NEURL1: variants seen among roughly 807,000 people sequenced by gnomAD.
NEURL1 encodes neuralized E3 ubiquitin protein ligase 1.
Under a neutral mutation model 41.2 loss-of-function variants are expected in NEURL1, and 26 were observed. The ratio of observed to expected loss-of-function variants is 0.63; its 90% CI spans 0.46 to 0.87. NEURL1 has a LOEUF of 0.87. Among genes scored for constraint, NEURL1 ranks in the 40% least tolerant of loss-of-function variants. NEURL1 has a pLI of 0.00. For missense variants in NEURL1, 761 were observed against 871.1 expected, an observed-to-expected ratio of 0.87 and a Z score of 1.59; for synonymous variants, 400 against 402.3, an observed-to-expected ratio of 0.99 and a Z score of 0.07.
chr10:103,572,893 C>T (rs770250097), intron 3 of NEURL1, among the ~76,000 whole-genome samples: 4 of 152,002 alleles, frequency 2.6e-5, no homozygotes, highest in South Asian at 2.1e-4. Context: ...AGCACAGTCT[C>T]GGGTACCAAG....
At chr10:103,517,625 CA>C (rs1207582039) in intron 1 of NEURL1, among the ~76,000 whole-genome samples, 4 of 152,238 alleles carry the variant, frequency 2.6e-5, no homozygotes, top group Non-Finnish European at 4.4e-5. Flanking sequence ...TGTCTGTAAT[CA>C]AGTCCACAAA....
At chr10:103,589,808 C>T in intron 5 of NEURL1, 148 bp downstream of exon 5, 1 of 1,137,522 alleles carries the variant, frequency 8.8e-7, no homozygotes, top group East Asian at 2.4e-5. Flanking sequence ...TCATCCCCTC[C>T]TGTCCCCTAG....
chr10:103,589,538 G>C lies in NEURL1; in HGVS notation c.1364G>C (p.Gly455Ala). Residue 455 changes from glycine (G) to alanine (A), a missense_variant, in exon 5 of 6, where the codon GGT becomes GCT. Coordinates refer to ENST00000369780, the MANE Select transcript of NEURL1 (RefSeq NM_004210.5). ...ILGSTILAER[G>A]IPSLPCSPAS... Reference sequence around the variant, plus strand: ...GGCTCCACTATCCTGGCCGAGCGGGGTATCCCATCACTCCCCTGCTCCCCT... The same window carrying C: ...GGCTCCACTATCCTGGCCGAGCGGGCTATCCCATCACTCCCCTGCTCCCCT... 1 of 1,612,730 alleles carries C rather than the reference G, an allele frequency of 6.2e-7. No homozygotes were observed. Among genetic ancestry groups the C allele is most frequent in the Non-Finnish European group, 8.5e-7 (1 of 1,179,306 alleles).
chr10:103,516,396 CG>C (rs535861799), intron 1 of NEURL1, among the ~76,000 whole-genome samples: 2 of 150,350 alleles, frequency 1.3e-5, no homozygotes, highest in South Asian at 4.3e-4. Flanking sequence ...AAGCAGAAGG[CG>C]GGGGTTGGAG....
Position 103,590,335 on chromosome 10 carries a change from C to G in NEURL1, c.1688C>G (p.Pro563Arg). 1 of 1,614,148 alleles carries G rather than the reference C, an allele frequency of 6.2e-7. No individual in the cohort carries two copies. The highest frequency in any genetic ancestry group is 8.5e-7 in the Non-Finnish European group (1 of 1,180,032). The change falls in exon 6 of 6, where the codon CCC (proline) becomes CGC (arginine). Residue 563 changes from proline to arginine, a missense_variant. Physicochemically the swap from Pro to Arg is moderately radical, Grantham distance 103. Transcript: ENST00000369780. The part of the protein sequence containing the change: ...LHACCPICRR[P>R]IKDIIKTYRS... ...GCCTGCTGCCCCATCTGCCGCCGCC[C>G]CATCAAGGACATCATCAAGACCTAC...
chr10:103,503,548 G>A (rs1397252121), intron 1 of NEURL1, among the ~76,000 whole-genome samples: 1 of 152,126 alleles, frequency 6.6e-6, no homozygotes, highest in Non-Finnish European at 1.5e-5. Flanking sequence ...GTAAGAGGTA[G>A]GTGGGAGAGC....
At chr10:103,503,430 C>G (rs1436410070) in intron 1 of NEURL1, among the ~76,000 whole-genome samples, 4 of 152,182 alleles carry the variant, frequency 2.6e-5, no homozygotes, top group Admixed American at 1.3e-4. Flanking sequence ...GGCTTTTTCT[C>G]TGCTCTAGTG....
chr10:103,556,489 G>A lies in NEURL1; in HGVS notation c.86-14383G>A, dbSNP rs999035607. ...GTGGGCACTGAGGAGCCTGGGAGAG[G>A]CTCAGGAAGGAAGGAGGGTGGTGGC... is the stretch of plus-strand genomic sequence containing the variant. On this transcript the variant is annotated intron_variant, in intron 1 of 5. Transcript: ENST00000369780. This position sits in a 1 kb window ranked among gnomAD's most constrained non-coding sequence, Gnocchi z 4.4. Among the ~76,000 whole-genome samples, 2 of 152,140 alleles carry A rather than the reference G, an allele frequency of 1.3e-5. No homozygotes were observed. Among genetic ancestry groups the A allele is most frequent in the Admixed American group, 6.5e-5 (1 of 15,272 alleles).
intron 1 of NEURL1, 110 bp downstream of exon 1, chr10:103,494,582 C>T: frequency 1.0e-6 from 1 of 956,092 alleles, no homozygotes; most frequent in Non-Finnish European, 1.5e-6. Context: ...GTCTGGAGGC[C>T]GGAGATGCAC....
intron 3 of NEURL1, among the ~76,000 whole-genome samples, chr10:103,576,280 G>T (rs1484601774): frequency 6.6e-6 from 1 of 152,138 alleles, no homozygotes; most frequent in Non-Finnish European, 1.5e-5. Flanking sequence ...GAGGTGAAAA[G>T]AATGGATTGG....
rs1417375559 is a variant in NEURL1, at chr10:103,585,091, T to G, written c.1205T>G (p.Val402Gly). Residue 402 changes from valine (V) to glycine (G), a missense_variant, in exon 4 of 6, where the codon GTG (valine) becomes GGG (glycine). This residue lies in a region of NEURL1 where 443 missense variants were observed against 408.1 expected (regional missense o/e 1.09). Transcript: ENST00000369780. The stretch of plus-strand genomic sequence containing the variant: ...CACAGCGGCGACATCCTGGGCCTGG[T>G]GGTCAACGCCGACGGCGAGCTGCAC... ...PLHSGDILGLVVNADGELHLS... is the reference protein window; with the variant it reads ...PLHSGDILGLGVNADGELHLS... 6.3e-7 allele frequency: 1 copy of G among 1,590,208 alleles called. No individual in the cohort carries two copies. Among genetic ancestry groups the G allele is most frequent in the African/African-American group, 1.3e-5 (1 of 74,692 alleles).
At chr10:103,521,141 T>C (rs918059766) in intron 1 of NEURL1, among the ~76,000 whole-genome samples, 3 of 152,162 alleles carry the variant, frequency 2.0e-5, no homozygotes, top group African/African-American at 7.2e-5. Flanking sequence ...CATTAGTCCG[T>C]TCTACCTTTC....
At chr10:103,538,151 G>T (rs761822259) in intron 1 of NEURL1, among the ~76,000 whole-genome samples, 20 of 152,054 alleles carry the variant, frequency 1.3e-4, no homozygotes, top group Non-Finnish European at 2.2e-4. Context: ...CTGGAGTGCA[G>T]TGGCATGATC....
chr10:103,535,209 G>A (rs2034665512), intron 1 of NEURL1, among the ~76,000 whole-genome samples: 2 of 152,108 alleles, frequency 1.3e-5, no homozygotes, highest in South Asian at 4.1e-4. Context: ...GGGCACTGAG[G>A]GGGCAAGAAA....
intron 1 of NEURL1, among the ~76,000 whole-genome samples, chr10:103,540,240 C>T (rs953766826): frequency 6.6e-6 from 1 of 152,124 alleles, no homozygotes; most frequent in African/African-American, 2.4e-5. Flanking sequence ...AATGTGAGAA[C>T]ATTTTAACCC....
intron 1 of NEURL1, among the ~76,000 whole-genome samples, chr10:103,497,289 C>CA (rs940887206): frequency 6.6e-6 from 1 of 152,184 alleles, no homozygotes; most frequent in African/African-American, 2.4e-5. Context: ...TTGGTGTTGA[C>CA]CTGATAGGCT....
At position 103,544,625 on chromosome 10, in the gene NEURL1, A is replaced by T. The variant is rs115666017; in HGVS notation, c.86-26247A>T. Among the ~76,000 whole-genome samples the T allele has an allele frequency of 5.9e-3, 894 of 152,166 alleles. 8 individuals are homozygous for T. Among genetic ancestry groups the T allele is most frequent in the African/African-American group, 0.02 (848 of 41,502 alleles). On this transcript the variant is annotated intron_variant, in intron 1 of 5. Coordinates refer to ENST00000369780, the MANE Select transcript of NEURL1 (RefSeq NM_004210.5). ...GCAGTGTCATGGTTAGTAAAAAAGG[A>T]CCCCCAAACAAAGTCTAATGTAGCC...
At chr10:103,561,149 G>A (rs2035283199) in intron 1 of NEURL1, among the ~76,000 whole-genome samples, 1 of 152,194 alleles carries the variant, frequency 6.6e-6, no homozygotes, top group Non-Finnish European at 1.5e-5. Flanking sequence ...CGTGGCAGCT[G>A]GCTTCCCCCC....
chr10:103,520,713 G>A (rs2133854636), intron 1 of NEURL1, among the ~76,000 whole-genome samples: 1 of 152,188 alleles, frequency 6.6e-6, no homozygotes, highest in South Asian at 2.1e-4. Context: ...GGAAAATTTT[G>A]GGGGGTGGTA....
Sources: allele counts gnomAD v4.1 joint callset (sites outside exome capture counted in the v4.1 genomes callset), GRCh38; gene constraint gnomAD v4.1.1; regional missense constraint gnomAD v4.1.1; non-coding constraint Gnocchi (gnomAD v3.1); transcripts MANE v1.5; gene names NCBI Gene and HGNC (gene_info 2026-07-23, HGNC 2026-07-21).